EYS: variants seen among roughly 807,000 people sequenced by gnomAD.
The protein encoded by EYS is EGF-like photoreceptor maintenance factor.
A neutral mutation model predicts 282.1 loss-of-function variants in EYS; 250 were observed. The ratio of observed to expected loss-of-function variants is 0.89; its 90% CI spans 0.80 to 0.98. The LOEUF (loss-of-function observed/expected upper bound fraction) is 0.98. Ranked by LOEUF, EYS falls within the 50% of genes least tolerant of loss-of-function variation. The pLI is 0.00. For synonymous variants in EYS, 1,355 were observed against 1,282.9 expected, an observed-to-expected ratio of 1.06 and a Z score of -1.20; for missense variants, 4,016 against 3,709.0, an observed-to-expected ratio of 1.08 and a Z score of -2.15.
chr6:65,547,101 AAATTTTGCTGACT>A (rs938576585), intron 2 of EYS, among the ~76,000 whole-genome samples: 3 of 151,686 alleles, frequency 2.0e-5, no homozygotes, highest in African/African-American at 7.3e-5. Context: ...CAAGTCTGAC[AAATTTTGCTGACT>A]GTAACTCCCA....
chr6:64,008,961 T>C (rs1242358385), intron 33 of EYS, among the ~76,000 whole-genome samples: 2 of 152,134 alleles, frequency 1.3e-5, no homozygotes, highest in African/African-American at 4.8e-5. Context: ...GGTCATCTTG[T>C]ATAGTATCTA....
intron 33 of EYS, among the ~76,000 whole-genome samples, chr6:64,016,277 C>T (rs1291309068): frequency 1.3e-5 from 2 of 152,018 alleles, no homozygotes; most frequent in Admixed American, 6.6e-5. Flanking sequence ...ATAGACCAGG[C>T]ATTATCTCAA....
chr6:64,473,167 C>T (rs1033463843), intron 26 of EYS, among the ~76,000 whole-genome samples: 1 of 152,096 alleles, frequency 6.6e-6, no homozygotes, highest in Admixed American at 6.5e-5. Context: ...TTTTATAAAA[C>T]TCTGGGGATA....
At chr6:64,734,085 A>G (rs1286448874) in intron 22 of EYS, among the ~76,000 whole-genome samples, 2 of 151,612 alleles carry the variant, frequency 1.3e-5, no homozygotes, top group African/African-American at 4.8e-5. Context: ...GTGCTTACCC[A>G]ATCACGAATC....
chr6:65,565,763 C>A (rs1409351127), intron 2 of EYS, among the ~76,000 whole-genome samples: 1 of 152,052 alleles, frequency 6.6e-6, no homozygotes, highest in Non-Finnish European at 1.5e-5. Context: ...GAACACTATG[C>A]AGCCATAAAA....
chr6:65,213,745 A>G (rs1766236943), intron 12 of EYS, among the ~76,000 whole-genome samples: 1 of 152,188 alleles, frequency 6.6e-6, no homozygotes, highest in Non-Finnish European at 1.5e-5. Context: ...GAGACACAAC[A>G]ATAGTAAAAT....
intron 33 of EYS, among the ~76,000 whole-genome samples, chr6:64,014,919 A>G (rs1768818757): frequency 1.3e-5 from 2 of 152,136 alleles, no homozygotes; most frequent in Admixed American, 6.6e-5. Flanking sequence ...ACCTTACCCT[A>G]GGCAAACTTT....
chr6:65,683,039 T>C (rs771662982), intron 1 of EYS, among the ~76,000 whole-genome samples: 7 of 151,708 alleles, frequency 4.6e-5, no homozygotes, highest in Non-Finnish European at 1.0e-4. Flanking sequence ...AGAGAGGCAA[T>C]GCTCTACACT....
At chr6:64,440,336 C>T (rs926799109) in intron 26 of EYS, among the ~76,000 whole-genome samples, 23 of 152,130 alleles carry the variant, frequency 1.5e-4, no homozygotes, top group African/African-American at 5.3e-4. Context: ...CATTTTGCTA[C>T]ATTTTCAAAC....
intron 33 of EYS, among the ~76,000 whole-genome samples, chr6:64,027,838 C>T (rs977942400): frequency 3.3e-5 from 5 of 152,156 alleles, no homozygotes; most frequent in African/African-American, 1.2e-4. Context: ...CAAGCGCCAG[C>T]TCATGTCATC....
chr6:65,142,220 A>G (rs1404260519), intron 12 of EYS, among the ~76,000 whole-genome samples: 1 of 152,044 alleles, frequency 6.6e-6, no homozygotes, highest in Non-Finnish European at 1.5e-5. Flanking sequence ...TTTCAAAACA[A>G]TCTAATATAT....
chr6:64,316,266 G>A (rs1582586792), intron 29 of EYS, among the ~76,000 whole-genome samples: 2 of 152,118 alleles, frequency 1.3e-5, no homozygotes, highest in African/African-American at 4.8e-5. Context: ...TAGGAAAAGA[G>A]GGAGTCAAAT....
At position 63,721,494 on chromosome 6, in the gene EYS, C is replaced by T. The variant is rs2149625131; in HGVS notation, c.8537G>A (p.Gly2846Asp). ...ATTTATGATAACTTGTCGGATACAGCCTTGAAAACCTACAGGTTCATTTTC... is the reference window on the plus strand; with the variant it reads ...ATTTATGATAACTTGTCGGATACAGTCTTGAAAACCTACAGGTTCATTTTC... ...AIENEPVGFQGCIRQVIINNQ... is the reference protein window; with the variant it reads ...AIENEPVGFQDCIRQVIINNQ... The change falls in exon 43 of 43, where the codon GGC (glycine) becomes GAC (aspartate). Residue 2846 changes from glycine (G) to aspartate (D), a missense_variant. Gly to Asp is a moderately conservative substitution (Grantham distance 94, BLOSUM62 -1). Transcript: ENST00000503581. 6.4e-7 allele frequency: 1 copy of T among 1,551,330 alleles called. No homozygotes were observed. Among genetic ancestry groups the T allele is most frequent in the Non-Finnish European group, 8.7e-7 (1 of 1,146,630 alleles).
At chr6:63,761,097 A>G (rs750985381) in intron 41 of EYS, among the ~76,000 whole-genome samples, 5 of 151,170 alleles carry the variant, frequency 3.3e-5, no homozygotes, top group Non-Finnish European at 7.4e-5. Context: ...TAGATACTCA[A>G]CAGACATGGT....
At chr6:64,186,185 T>A (rs1283451252) in intron 31 of EYS, among the ~76,000 whole-genome samples, 1 of 152,026 alleles carries the variant, frequency 6.6e-6, no homozygotes, top group Non-Finnish European at 1.5e-5. Context: ...TCTGATTTTG[T>A]AACTTTTCAG....
At chr6:64,339,778 AT>A (rs1771022885) in intron 29 of EYS, among the ~76,000 whole-genome samples, 1 of 151,878 alleles carries the variant, frequency 6.6e-6, no homozygotes, top group African/African-American at 2.4e-5. Flanking sequence ...GGAGACTATT[AT>A]TTTAAGTGAA....
At chr6:64,344,259 G>T in intron 29 of EYS, among the ~76,000 whole-genome samples, 1 of 152,000 alleles carries the variant, frequency 6.6e-6, no homozygotes, top group Non-Finnish European at 1.5e-5. Context: ...AACCAAAAAA[G>T]AGGATTTTAG....
intron 22 of EYS, among the ~76,000 whole-genome samples, chr6:64,682,396 CA>C (rs1769933583): frequency 6.6e-6 from 1 of 151,908 alleles, no homozygotes; most frequent in South Asian, 2.1e-4. Context: ...ACAACAACAA[CA>C]AAAAGTGATT....
At chr6:64,650,897 C>T (rs1768532620) in intron 22 of EYS, among the ~76,000 whole-genome samples, 1 of 151,872 alleles carries the variant, frequency 6.6e-6, no homozygotes, top group African/African-American at 2.4e-5. Context: ...AAAAATACCA[C>T]AGCAATATAT....
Sources: gnomAD v4.1 joint callset for allele counts (sites outside exome capture counted in the v4.1 genomes callset) on GRCh38, gnomAD v4.1.1 for gene constraint, MANE v1.5 for transcripts, NCBI Gene and HGNC (gene_info 2026-07-23, HGNC 2026-07-21) for gene names.